CSE1L: variants seen among roughly 807,000 people sequenced by gnomAD.
The protein encoded by CSE1L is exportin-2.
CSE1L carries 24 observed loss-of-function variants against 120.4 expected under a neutral mutation model. The ratio of observed to expected loss-of-function variants is 0.20; its 90% confidence interval spans 0.14 to 0.28. The LOEUF (loss-of-function observed/expected upper bound fraction) is 0.28. CSE1L is among the 10% of genes least tolerant of loss of function. The pLI, the probability that CSE1L is intolerant of heterozygous loss-of-function variation, is 1.00. For missense variants in CSE1L, 830 were observed against 1,145.2 expected, an observed-to-expected ratio of 0.72 and a Z score of 3.97; for synonymous variants, 402 against 398.3, an observed-to-expected ratio of 1.01 and a Z score of -0.11.
At position 49,072,472 on chromosome 20, in the gene CSE1L, C is replaced by A; in HGVS notation, c.936+19C>A. The stretch of plus-strand genomic sequence containing the variant: ...TGATTTGGTAAGATGATGGTGGAGA[C>A]AAATAATTAAAAGACATTCTCTCCC... On this transcript the variant is annotated intron_variant, in intron 9 of 24. Coordinates refer to ENST00000262982, the MANE Select transcript of CSE1L (RefSeq NM_001316.4). 1 of 1,610,652 alleles carries A rather than the reference C, an allele frequency of 6.2e-7. No individual in the cohort carries two copies. Among genetic ancestry groups the A allele is most frequent in the Non-Finnish European group, 8.5e-7 (1 of 1,177,340 alleles).
intron 1 of CSE1L, among the ~76,000 whole-genome samples, 183 bp downstream of exon 1, chr20:49,046,606 C>A (rs1296282455): frequency 6.6e-6 from 1 of 152,212 alleles, no homozygotes; most frequent in African/African-American, 2.4e-5. Context: ...CCCTAGGGAG[C>A]GCTTGCCGCG....
Position 49,066,467 on chromosome 20 carries a change from G to A in CSE1L, c.433G>A (p.Val145Ile), listed in dbSNP as rs1293503221. 6.2e-7 allele frequency: 1 copy of A among 1,613,904 alleles called. No homozygotes were observed. Among genetic ancestry groups the A allele is most frequent in the Non-Finnish European group, 8.5e-7 (1 of 1,179,896 alleles). The change falls in exon 5 of 25, where the codon GTT becomes ATT. Residue 145 changes from valine (V) to isoleucine (I), a missense_variant. By Grantham distance (29) the Val-to-Ile change is conservative (BLOSUM62 3). Transcript: ENST00000262982. ...TCGCTTTCAGAGTGGAGATTTCCAT[G>A]TTATTAATGGAGTCCTCCGTACAGC... is the stretch of plus-strand genomic sequence containing the variant. ...VNRFQSGDFH[V>I]INGVLRTAHS...
At chr20:49,092,349 G>A (rs1298197424) in intron 22 of CSE1L, among the ~76,000 whole-genome samples, 1 of 151,936 alleles carries the variant, frequency 6.6e-6, no homozygotes, top group Admixed American at 6.6e-5. Flanking sequence ...GCTGAGGAGG[G>A]CGGATTTAGC....
chr20:49,083,007 A>G (rs1442024920), intron 14 of CSE1L, among the ~76,000 whole-genome samples: 1 of 146,846 alleles, frequency 6.8e-6, no homozygotes, highest in Non-Finnish European at 1.5e-5. Context: ...TTTGTCCTTA[A>G]CATCTTTTTT....
At chr20:49,084,335 C>T (rs1714138608) in intron 15 of CSE1L, among the ~76,000 whole-genome samples, 173 bp downstream of exon 15, 1 of 152,030 alleles carries the variant, frequency 6.6e-6, no homozygotes, top group African/African-American at 2.4e-5. Context: ...AAAATAGGTG[C>T]ATTATGACAA....
chr20:49,072,173 G>C, intron 8 of CSE1L, 113 bp from the exon 9 acceptor site: 1 of 1,138,506 alleles, frequency 8.8e-7, no homozygotes, highest in Non-Finnish European at 1.3e-6. Context: ...TACAATAACT[G>C]ATTTGATTTG....
At chr20:49,086,760 C>G (rs772499693) in intron 16 of CSE1L, among the ~76,000 whole-genome samples, 1 of 152,190 alleles carries the variant, frequency 6.6e-6, no homozygotes, top group Non-Finnish European at 1.5e-5. Flanking sequence ...AATACCTTCT[C>G]TGTACGGTTG....
chr20:49,091,999 T>C (rs752923271), intron 21 of CSE1L, 47 bp from the exon 22 acceptor site: 15 of 1,011,638 alleles, frequency 1.5e-5, no homozygotes, highest in Non-Finnish European at 1.8e-5. Context: ...GTTACCAGTT[T>C]AGTGCGTGAG....
At chr20:49,060,533 T>C (rs1168217338) in intron 2 of CSE1L, among the ~76,000 whole-genome samples, 1 of 151,722 alleles carries the variant, frequency 6.6e-6, no homozygotes, top group Non-Finnish European at 1.5e-5. Flanking sequence ...CCCAGCACTT[T>C]GGGAAGCCCA....
At chr20:49,075,274 G>A (rs1353085842) in intron 11 of CSE1L, 44 bp from the exon 12 acceptor site, 1 of 1,435,076 alleles carries the variant, frequency 7.0e-7, no homozygotes, top group Non-Finnish European at 9.7e-7. Context: ...GCTTGTTGGT[G>A]GTTGTTTTTT....
chr20:49,056,844 ATGCTGTGTGTGTGTG>A (rs2091811611), intron 1 of CSE1L, among the ~76,000 whole-genome samples: 1 of 139,404 alleles, frequency 7.2e-6, no homozygotes, highest in African/African-American at 2.6e-5. Flanking sequence ...ATTACTTCAC[ATGCTGTGTGTGTGTG>A]TGTGTGTGTG....
chr20:49,047,350 C>T (rs1453003475), intron 1 of CSE1L, among the ~76,000 whole-genome samples: 3 of 152,080 alleles, frequency 2.0e-5, no homozygotes, highest in African/African-American at 4.8e-5. Flanking sequence ...TTATTCATCT[C>T]TCCCACCCAT....
Position 49,047,789 on chromosome 20 carries a change from T to C in CSE1L, c.-12+1366T>C, listed in dbSNP as rs1157086729. On this transcript the variant is annotated intron_variant, in intron 1 of 24. Coordinates refer to ENST00000262982, the MANE Select transcript of CSE1L (RefSeq NM_001316.4). ...TATTAGAGACGGGGTTTCACCATGT[T>C]GATCAGGCTGTCTAATCAACCTGTC... 4.6e-5 allele frequency among the ~76,000 whole-genome samples: 7 copies of C among 152,074 alleles called. No homozygotes were observed. In the East Asian group the frequency reaches 1.3e-3, roughly 29 times the overall value.
At chr20:49,059,107 G>A (rs1012416383) in intron 2 of CSE1L, among the ~76,000 whole-genome samples, 1 of 151,286 alleles carries the variant, frequency 6.6e-6, no homozygotes, top group Non-Finnish European at 1.5e-5. Context: ...CTCCAGCCTG[G>A]GCGACAGAGC....
At chr20:49,085,220 G>A (rs769841689) in intron 15 of CSE1L, 63 bp from the exon 16 acceptor site, 70 of 1,231,070 alleles carry the variant, frequency 5.7e-5, no homozygotes, top group Non-Finnish European at 8.4e-5. Context: ...TGGTTGCCAA[G>A]GGTAATCTGC....
chr20:49,067,031 C>CAAAAAAAAAAAAAAA (rs60161542), intron 5 of CSE1L, among the ~76,000 whole-genome samples, 159 bp from the exon 6 acceptor site: 1 of 100,818 alleles, frequency 9.9e-6, no homozygotes. Context: ...GACTCCGTCT[C>CAAAAAAAAAAAAAAA]AAAAAAAAAA....
chr20:49,066,078 CTA>C, intron 3 of CSE1L, 112 bp from the exon 4 acceptor site: 1 of 850,364 alleles, frequency 1.2e-6, no homozygotes, highest in Admixed American at 2.7e-5. Flanking sequence ...AAACCTTCCT[CTA>C]TTTGTTTTCT....
intron 21 of CSE1L, among the ~76,000 whole-genome samples, chr20:49,091,496 G>T (rs150407155): frequency 1.3e-5 from 2 of 152,048 alleles, no homozygotes; most frequent in East Asian, 3.9e-4. Flanking sequence ...CACTTTGGGA[G>T]GTGAAAGTGG....
intron 2 of CSE1L, among the ~76,000 whole-genome samples, chr20:49,062,653 C>G (rs2091861243): frequency 6.6e-6 from 1 of 151,918 alleles, no homozygotes; most frequent in Non-Finnish European, 1.5e-5. Context: ...GTTACTTAAC[C>G]TTAGTGCCTT....
Sources: gnomAD v4.1 joint callset for allele counts (sites outside exome capture counted in the v4.1 genomes callset) on GRCh38, gnomAD v4.1.1 for gene constraint, MANE v1.5 for transcripts, NCBI Gene and HGNC (gene_info 2026-07-23, HGNC 2026-07-21) for gene names.